The following PPP2R2B variants were observed in gnomAD, a reference collection of about 807,000 sequenced individuals.
PPP2R2B encodes serine/threonine-protein phosphatase 2A 55 kDa regulatory subunit B beta isoform.
PPP2R2B carries 5 observed loss-of-function variants against 46.0 expected under a neutral mutation model. The observed-to-expected ratio is 0.11, with a 90% CI of 0.06 to 0.23. PPP2R2B has a LOEUF of 0.23. Among genes scored for constraint, PPP2R2B ranks in the 10% least tolerant of loss-of-function variants. The probability of loss-of-function intolerance (pLI) is 1.00; values close to 1 mark genes in which losing one functional copy is unlikely to be tolerated. For synonymous variants in PPP2R2B, 215 were observed against 206.7 expected, an observed-to-expected ratio of 1.04 and a Z score of -0.34; for missense variants, 367 against 575.0, an observed-to-expected ratio of 0.64 and a Z score of 3.70.
chr5:146,839,246 T>G (rs1759480536), intron 2 of PPP2R2B, among the ~76,000 whole-genome samples: 1 of 152,278 alleles, frequency 6.6e-6, no homozygotes, highest in East Asian at 1.9e-4. Flanking sequence ...TGTGGCCGGG[T>G]GCAGTGGCTC....
chr5:146,820,175 T>C (rs1483495405), intron 2 of PPP2R2B, among the ~76,000 whole-genome samples: 1 of 152,160 alleles, frequency 6.6e-6, no homozygotes, highest in Non-Finnish European at 1.5e-5. Context: ...ATATTGTAAT[T>C]TCAAAACATC....
At chr5:146,856,538 T>C (rs1760680662) in intron 2 of PPP2R2B, 2 of 1,612,928 alleles carry the variant, frequency 1.2e-6, no homozygotes, top group Non-Finnish European at 8.5e-7. Flanking sequence ...TAATTCATGC[T>C]TCATTATTGG....
At position 146,667,326 on chromosome 5, in the gene PPP2R2B, G is replaced by GTGCACA. The variant is rs1491550987; in HGVS notation, c.448-16603_448-16602insTGTGCA. Among the ~76,000 whole-genome samples, 19 of 50,702 alleles carry GTGCACA rather than the reference G, an allele frequency of 3.7e-4. 1 individual carries two copies. Among genetic ancestry groups the GTGCACA allele is most frequent in the Non-Finnish European group, 9.2e-4 (16 of 17,426 alleles). 33.3% of individuals were successfully genotyped at this position (50,702 alleles called of 152,430 possible). ...AAGGAGAGACAGCAGGAATAGGCGT[G>GTGCACA]CGCGCGCACACACACACACACACAC... On this transcript the variant is annotated intron_variant, in intron 5 of 9. Transcript: ENST00000394411.
intron 2 of PPP2R2B, among the ~76,000 whole-genome samples, chr5:146,775,154 T>C (rs971663162): frequency 2.6e-5 from 4 of 152,202 alleles, no homozygotes; most frequent in Non-Finnish European, 5.9e-5. Flanking sequence ...GAGACCAGCA[T>C]TACTTTGATA....
chr5:147,008,256 A>G (rs1305154014), intron 1 of PPP2R2B, among the ~76,000 whole-genome samples: 1 of 152,156 alleles, frequency 6.6e-6, no homozygotes, highest in Non-Finnish European at 1.5e-5. Flanking sequence ...CAACTTATGG[A>G]CTTTTTGTCA....
intron 1 of PPP2R2B, among the ~76,000 whole-genome samples, chr5:147,040,231 A>G (rs1756230420): frequency 6.6e-6 from 1 of 152,168 alleles, no homozygotes; most frequent in Admixed American, 6.5e-5. Context: ...TGTTGTTTCA[A>G]ATAAATAATT....
At chr5:146,965,104 G>A (rs948350308) in intron 1 of PPP2R2B, among the ~76,000 whole-genome samples, 1 of 152,008 alleles carries the variant, frequency 6.6e-6, no homozygotes, top group Non-Finnish European at 1.5e-5. Context: ...CTTAATTGAG[G>A]CCCAGAGAGG....
At chr5:146,743,848 A>G (rs1220851739) in intron 2 of PPP2R2B, among the ~76,000 whole-genome samples, 1 of 152,198 alleles carries the variant, frequency 6.6e-6, no homozygotes, top group African/African-American at 2.4e-5. Flanking sequence ...CTGCCAATCA[A>G]TCTGCCTCCA....
In PPP2R2B at chr5:146,848,020, G is replaced by C. The variant is rs552775776; in HGVS notation, c.70+29982C>G. Among the ~76,000 whole-genome samples, 5 of 152,304 alleles carry C rather than the reference G, an allele frequency of 3.3e-5. No homozygotes were observed. In the East Asian group the frequency reaches 7.7e-4, roughly 24 times the overall value. ...CACCATATCAGGATTTAAAAGACAA[G>C]TTAGATGCCACATCATGTTTTTCCC... On this transcript the variant is annotated intron_variant, in intron 2 of 9. Coordinates refer to ENST00000394411, the MANE Select transcript of PPP2R2B (RefSeq NM_181675.4).
rs1777046600 is a variant in PPP2R2B at position 146,667,317 on chromosome 5, A to G, written c.448-16593T>C. ...GCTGGTTCCAAGGAGAGACAGCAGGAATAGGCGTGCGCGCGCACACACACA... is the reference window on the plus strand; with the variant it reads ...GCTGGTTCCAAGGAGAGACAGCAGGGATAGGCGTGCGCGCGCACACACACA... On this transcript the variant is annotated intron_variant, in intron 5 of 9. Coordinates refer to ENST00000394411, the MANE Select transcript of PPP2R2B (RefSeq NM_181675.4). Among the ~76,000 whole-genome samples, 5 of 129,694 alleles carry G rather than the reference A, an allele frequency of 3.9e-5. No homozygotes were observed. The South Asian group carries it at 1.4e-3, about 35-fold the overall frequency. The allele number at this position is 129,694 out of a possible 152,430, so 85.1% of individuals were successfully genotyped here. A position where few individuals can be genotyped will look rare whatever the true frequency, so the allele number is the denominator to read the frequency against.
chr5:146,741,639 T>C (rs1752884453), intron 2 of PPP2R2B, among the ~76,000 whole-genome samples: 1 of 152,118 alleles, frequency 6.6e-6, no homozygotes, highest in South Asian at 2.1e-4. Context: ...CCGAGAATCA[T>C]GCCATCTCAA....
At chr5:146,882,756 C>A (rs892921833), upstream of PPP2R2B, among the ~76,000 whole-genome samples, 2 of 152,188 alleles carry the variant, frequency 1.3e-5, no homozygotes, top group East Asian at 1.9e-4. Flanking sequence ...TGTCATGGAA[C>A]TTAGTGTCTA....
intron 1 of PPP2R2B, among the ~76,000 whole-genome samples, chr5:147,002,383 C>T (rs1441870164): frequency 2.0e-5 from 3 of 152,136 alleles, no homozygotes; most frequent in South Asian, 2.1e-4. Context: ...GGACAAAAGG[C>T]ATCACTCTTC....
intron 1 of PPP2R2B, among the ~76,000 whole-genome samples, chr5:146,911,358 A>G (rs1321593339): frequency 6.6e-6 from 1 of 152,208 alleles, no homozygotes; most frequent in Non-Finnish European, 1.5e-5. Context: ...CTAGGATTAC[A>G]GGGGTAAGCC....
At chr5:147,073,291 C>A (rs1311238233) in intron 2 of PPP2R2B, among the ~76,000 whole-genome samples, 6 of 152,178 alleles carry the variant, frequency 3.9e-5, no homozygotes, top group Non-Finnish European at 8.8e-5. Context: ...CAATGTTATG[C>A]AAAGAACCCG....
At position 147,028,288 on chromosome 5, in the gene PPP2R2B, C is replaced by T. The variant is rs544485768; in HGVS notation, c.79+27377G>A. Among the ~76,000 whole-genome samples the T allele has an allele frequency of 3.2e-4, 48 of 152,040 alleles. No homozygotes were observed. The Middle Eastern group carries it at 0.01, about 32-fold the overall frequency. ...GGACCAAGGCTAATAATAATTTAGC[C>T]CCTGATTACTGCACTATGCTTTTTA... is the stretch of plus-strand genomic sequence containing the variant. On this transcript the variant is annotated intron_variant, in intron 1 of 8. Transcript: ENST00000336640.
rs138432032 is a variant in PPP2R2B, at chr5:146,590,242, C to CAAAGGGAGTGATCGAGTATTACGGAG, written c.1053-17_1053-16insCTCCGTAATACTCGATCACTCCCTTT. 1.6e-4 allele frequency: 264 copies of CAAAGGGAGTGATCGAGTATTACGGAG among 1,611,328 alleles called. No homozygotes were observed. The African/African-American group carries it at 3.2e-3, about 19-fold the overall frequency. On this transcript the variant is annotated splice_polypyrimidine_tract_variant and intron_variant, in intron 9 of 9. Coordinates refer to ENST00000394411, the MANE Select transcript of PPP2R2B (RefSeq NM_181675.4). ...CATGATGACACTGCAAGGCAGAGAG[C>CAAAGGGAGTGATCGAGTATTACGGAG]AAAGGCAATGACATATCTTCACTGT...
At chr5:146,738,458 C>T (rs1347528945) in intron 2 of PPP2R2B, among the ~76,000 whole-genome samples, 1 of 149,812 alleles carries the variant, frequency 6.7e-6, no homozygotes, top group Non-Finnish European at 1.5e-5. Flanking sequence ...TGACTTTAAA[C>T]GTCATCTTAT....
Position 146,666,491 on chromosome 5 carries a change from C to T in PPP2R2B, c.448-15767G>A, listed in dbSNP as rs41418045. Among the ~76,000 whole-genome samples, 1,052 of 152,334 alleles carry T rather than the reference C, an allele frequency of 6.9e-3. 25 individuals carry two copies. The highest frequency in any genetic ancestry group is 0.042 in the Admixed American group (635 of 15,296). ...CTGCACTGGACTCTTCTTGGGAAAA[C>T]TTAAGCATCTTTAATGAGCACAACT... On this transcript the variant is annotated intron_variant, in intron 5 of 9. Transcript: ENST00000394411.
Sources: allele counts gnomAD v4.1 joint callset (sites outside exome capture counted in the v4.1 genomes callset), GRCh38; gene constraint gnomAD v4.1.1; transcripts MANE v1.5; gene names NCBI Gene and HGNC (gene_info 2026-07-23, HGNC 2026-07-21).